ALG10B: variants seen among roughly 807,000 people sequenced by gnomAD.
ALG10B encodes the protein dol-P-Glc:Glc(2)Man(9)GlcNAc(2)-PP-Dol alpha-1,2-glucosyltransferase B.
A neutral mutation model predicts 38.7 loss-of-function variants in ALG10B; 27 were observed. The ratio of observed to expected loss-of-function variants is 0.70; its 90% confidence interval spans 0.51 to 0.96. The LOEUF (loss-of-function observed/expected upper bound fraction) is 0.96. Among genes scored for constraint, ALG10B ranks in the 40% least tolerant of loss-of-function variants. The pLI is 0.00. For missense variants in ALG10B, 522 were observed against 542.7 expected (o/e 0.96, Z 0.38); for synonymous variants, 177 against 193.3 (o/e 0.92, Z 0.70).
chr12:38,317,369 G>A, intron 1 of ALG10B: 1 of 443,754 alleles, frequency 2.3e-6, no homozygotes. Flanking sequence ...CTTGTCTCAG[G>A]ATTAAAGGCA....
At chr12:38,317,932 CCAAA>C in intron 1 of ALG10B, 2 of 362,824 alleles carry the variant, frequency 5.5e-6, no homozygotes, top group East Asian at 6.6e-5. Context: ...ACTTAGAGTC[CCAAA>C]CAATGTTTCC....
At position 38,317,052 on chromosome 12, in the gene ALG10B, C is replaced by T. The variant is rs561475549; in HGVS notation, c.159C>T (p.Phe53=). 1 of 1,614,200 alleles carries T rather than the reference C, an allele frequency of 6.2e-7. No homozygotes were observed. The highest frequency in any genetic ancestry group is 8.5e-7 in the Non-Finnish European group (1 of 1,180,038). The part of the protein sequence containing the change: ...PQAQRYCEGH[F]SLSQWDPMIT... ...CGCAGCGCTACTGTGAGGGCCATTT[C>T]TCCCTTTCCCAGGTGGGGTGCCCAA... Residue 53 remains phenylalanine, a synonymous_variant, in exon 1 of 3, where the codon TTC becomes TTT. Transcript: ENST00000308742.
At chr12:38,317,288 TG>T in intron 1 of ALG10B, 1 of 698,108 alleles carries the variant, frequency 1.4e-6, no homozygotes, top group Non-Finnish European at 2.3e-6. Flanking sequence ...AGGAGTGATC[TG>T]GGAGAATACT....
chr12:38,323,843 A>G lies in ALG10B; in HGVS notation c.*2630A>G. 5.7e-6 allele frequency: 4 copies of G among 698,064 alleles called. No homozygotes were observed. Among genetic ancestry groups the G allele is most frequent in the Non-Finnish European group, 5.2e-6 (2 of 383,608 alleles). The allele number at this position is 698,064 out of a possible 1,614,324, so 43.2% of individuals were successfully genotyped here. The stretch of plus-strand genomic sequence containing the variant: ...ACTAAATCTGGGAAGTCAAAATTGA[A>G]AAAAGAATGTGTAATTTAGGGAAAG... On this transcript the variant is annotated 3_prime_UTR_variant, in exon 3 of 3. Coordinates refer to ENST00000308742, the MANE Select transcript of ALG10B (RefSeq NM_001013620.4).
Position 38,324,044 on chromosome 12 carries a change from G to A in ALG10B, c.*2831G>A, listed in dbSNP as rs1470530389. ...TCTATATCTTTTTTTGTTTGTTTTT[G>A]TCTTTGAGGAGAAGTCTCGCTCTTG... On this transcript the variant is annotated 3_prime_UTR_variant, in exon 3 of 3. Coordinates refer to ENST00000308742, the MANE Select transcript of ALG10B (RefSeq NM_001013620.4). 1.5e-5 allele frequency: 10 copies of A among 673,254 alleles called. No individual in the cohort carries two copies. The Admixed American group carries it at 2.3e-4, about 15-fold the overall frequency. 41.7% of individuals were successfully genotyped at this position (673,254 alleles called of 1,614,324 possible). A position where few individuals can be genotyped will look rare whatever the true frequency, so the allele number is the denominator to read the frequency against.
rs1294193389 is a variant in ALG10B, at chr12:38,320,665, T to C, written c.874T>C (p.Phe292Leu). The C allele has an allele frequency of 1.9e-6, 3 of 1,613,884 alleles. No homozygotes were observed. Among genetic ancestry groups the C allele is most frequent in the Admixed American group, 1.7e-5 (1 of 59,986 alleles). ...AGCCTGTCTTCATTTTCCTCAACTA[T>C]TCTACTTTTTTTCATTTACTCTCTT... ...HEACLHFPQL[F>L]YFFSFTLFFS... The change falls in exon 3 of 3, where the codon TTC becomes CTC. Residue 292 changes from phenylalanine to leucine, a missense_variant. Transcript: ENST00000308742.
rs992545714 is a variant in ALG10B, at chr12:38,329,581, A to G, written c.*8368A>G. 4.3e-5 allele frequency: 8 copies of G among 183,940 alleles called. No homozygotes were observed. The highest frequency in any genetic ancestry group is 1.4e-4 in the African/African-American group (6 of 42,864). The allele number at this position is 183,940 out of a possible 1,614,324, so 11.4% of individuals were successfully genotyped here. A position where few individuals can be genotyped will look rare whatever the true frequency, so the allele number is the denominator to read the frequency against. ...TATTACATACTATTCTCTAAAATAGAAATGTTTATTTGGCTTCTAAAAGTC... is the reference window on the plus strand; with the variant it reads ...TATTACATACTATTCTCTAAAATAGGAATGTTTATTTGGCTTCTAAAAGTC... On this transcript the variant is annotated 3_prime_UTR_variant, in exon 3 of 3. Transcript: ENST00000308742.
intron 2 of ALG10B, 78 bp from the exon 3 acceptor site, chr12:38,320,083 A>G: frequency 6.4e-7 from 1 of 1,565,572 alleles, no homozygotes; most frequent in Non-Finnish European, 8.8e-7. Context: ...AGTAGTTTTA[A>G]ATAAATCTCT....
intron 2 of ALG10B, 103 bp from the exon 3 acceptor site, chr12:38,320,058 A>C: frequency 7.3e-7 from 1 of 1,367,034 alleles, no homozygotes; most frequent in Non-Finnish European, 1.0e-6. Context: ...TATTTAAATA[A>C]GGTTTGAGTA....
At position 38,321,155 on chromosome 12, in the gene ALG10B, T is replaced by C. The variant is rs1312981345; in HGVS notation, c.1364T>C (p.Phe455Ser). ...GTTAATTTCATAACTTTTTACATCT[T>C]TCTGAACAAGACTTTTCAGTGGCCA... ...AIVNFITFYI[F>S]LNKTFQWPNS... is the part of the protein sequence containing the mutation. Residue 455 changes from phenylalanine (F) to serine (S), a missense_variant, in exon 3 of 3, where the codon TTT (phenylalanine) becomes TCT (serine). By Grantham distance (155) the Phe-to-Ser change is radical. Coordinates refer to ENST00000308742, the MANE Select transcript of ALG10B (RefSeq NM_001013620.4). 6.2e-7 allele frequency: 1 copy of C among 1,612,856 alleles called. No homozygotes were observed. Among genetic ancestry groups the C allele is most frequent in the African/African-American group, 1.3e-5 (1 of 75,012 alleles).
Position 38,327,098 on chromosome 12 carries a change from G to A in ALG10B, c.*5885G>A, listed in dbSNP as rs763532647. 1 of 144,896 alleles carries A rather than the reference G, an allele frequency of 6.9e-6. No homozygotes were observed. The highest frequency in any genetic ancestry group is 1.5e-5 in the Non-Finnish European group (1 of 66,934). 9.0% of individuals were successfully genotyped at this position (144,896 alleles called of 1,614,324 possible). A position where few individuals can be genotyped will look rare whatever the true frequency, so the allele number is the denominator to read the frequency against. On this transcript the variant is annotated 3_prime_UTR_variant, in exon 3 of 3. Transcript: ENST00000308742. The stretch of plus-strand genomic sequence containing the variant: ...AAATTTGTATATATGTAATGTATGT[G>A]TGTGTGTATACATATAATTTCTCCT...
At chr12:38,318,611 C>T (rs891407843) in intron 2 of ALG10B, among the ~76,000 whole-genome samples, 153 bp downstream of exon 2, 5 of 152,160 alleles carry the variant, frequency 3.3e-5, no homozygotes, top group Non-Finnish European at 7.3e-5. Context: ...AATTCTCCAT[C>T]TCCATTTTAG....
At chr12:38,318,677 T>C (rs1021582598) in intron 2 of ALG10B, among the ~76,000 whole-genome samples, 4 of 152,260 alleles carry the variant, frequency 2.6e-5, no homozygotes, top group African/African-American at 9.6e-5. Context: ...AAAGTAAATA[T>C]TTGTTAAGTG....
Position 38,329,332 on chromosome 12 carries a change from C to T in ALG10B, c.*8119C>T, listed in dbSNP as rs185682042. The T allele has an allele frequency of 7.5e-6, 3 of 397,394 alleles. No homozygotes were observed. In the South Asian group the frequency reaches 3.9e-4, roughly 52 times the overall value. 24.6% of individuals were successfully genotyped at this position (397,394 alleles called of 1,614,324 possible). ...TGGAGCCTTCAGCCATATTAACATA[C>T]ATTGACATAAAGACCTTTGTTTTAA... On this transcript the variant is annotated 3_prime_UTR_variant, in exon 3 of 3. Transcript: ENST00000308742.
chr12:38,320,509 T>G lies in ALG10B; in HGVS notation c.718T>G (p.Tyr240Asp). Residue 240 changes from tyrosine to aspartate, a missense_variant, in exon 3 of 3, where the codon TAT becomes GAT. Coordinates refer to ENST00000308742, the MANE Select transcript of ALG10B (RefSeq NM_001013620.4). ...FRKILQFLLA[Y>D]SMSFKNLSML... ...AAAAATTCTTCAGTTTCTTTTGGCTTATTCCATGTCCTTTAAAAACTTGAG... is the reference window on the plus strand; with the variant it reads ...AAAAATTCTTCAGTTTCTTTTGGCTGATTCCATGTCCTTTAAAAACTTGAG... 6.2e-7 allele frequency: 1 copy of G among 1,614,096 alleles called. No individual in the cohort carries two copies. Among genetic ancestry groups the G allele is most frequent in the Non-Finnish European group, 8.5e-7 (1 of 1,179,950 alleles).
chr12:38,317,740 A>G (rs921414447), intron 1 of ALG10B: 1 of 178,636 alleles, frequency 5.6e-6, no homozygotes, highest in African/African-American at 2.4e-5. Flanking sequence ...GCTGTGATTT[A>G]CTAGTTTTGT....
Position 38,320,648 on chromosome 12 carries a change from T to G in ALG10B, c.857T>G (p.Leu286Arg). ...IGDRSSHEAC[L>R]HFPQLFYFFS... The stretch of plus-strand genomic sequence containing the variant: ...GATCGGAGTAGTCATGAAGCCTGTC[T>G]TCATTTTCCTCAACTATTCTACTTT... The change falls in exon 3 of 3, where the codon CTT becomes CGT. Residue 286 changes from leucine (L) to arginine (R), a missense_variant. Transcript: ENST00000308742. The G allele has an allele frequency of 6.2e-7, 1 of 1,613,960 alleles. No individual in the cohort carries two copies. The highest frequency in any genetic ancestry group is 8.5e-7 in the Non-Finnish European group (1 of 1,179,876).
chr12:38,325,421 G>C lies in ALG10B; in HGVS notation c.*4208G>C. The C allele has an allele frequency of 6.6e-6, 1 of 152,130 alleles. No individual in the cohort carries two copies. Among genetic ancestry groups the C allele is most frequent in the East Asian group, 1.9e-4 (1 of 5,202 alleles). The allele number at this position is 152,130 out of a possible 1,614,324, so 9.4% of individuals were successfully genotyped here. A position where few individuals can be genotyped will look rare whatever the true frequency, so the allele number is the denominator to read the frequency against. On this transcript the variant is annotated 3_prime_UTR_variant, in exon 3 of 3. Coordinates refer to ENST00000308742, the MANE Select transcript of ALG10B (RefSeq NM_001013620.4). ...TTTTCCTTAGAATTGTTGGAAGAGA[G>C]GAGAGAGGAAGGGATCTACCATTTT...
Position 38,329,520 on chromosome 12 carries a change from T to C in ALG10B, c.*8307T>C, listed in dbSNP as rs1945775646. On this transcript the variant is annotated 3_prime_UTR_variant, in exon 3 of 3. Transcript: ENST00000308742. ...AATCACAATCTCTTATTTTTAAGAA[T>C]GTAGGAATATGTGTTCTATATGCTT... 3.6e-6 allele frequency: 1 copy of C among 280,576 alleles called. No individual in the cohort carries two copies. Among genetic ancestry groups the C allele is most frequent in the Admixed American group, 5.2e-5 (1 of 19,244 alleles). 17.4% of individuals were successfully genotyped at this position (280,576 alleles called of 1,614,324 possible).
Sources: allele counts gnomAD v4.1 joint callset (sites outside exome capture counted in the v4.1 genomes callset), GRCh38; gene constraint gnomAD v4.1.1; transcripts MANE v1.5; gene names NCBI Gene and HGNC (gene_info 2026-07-23, HGNC 2026-07-21).